The following PAPPA2 variants were observed in gnomAD, a reference collection of about 807,000 sequenced individuals.
PAPPA2 encodes pappalysin 2.
A neutral mutation model predicts 176.4 loss-of-function variants in PAPPA2; 86 were observed. The observed-to-expected ratio is 0.49, with a 90% CI of 0.41 to 0.58. The LOEUF (loss-of-function observed/expected upper bound fraction) is 0.58, where lower values mean the gene tolerates loss of function less well. PAPPA2 is among the 20% of genes least tolerant of loss of function. The pLI is 0.00. For synonymous variants in PAPPA2, 809 were observed against 852.2 expected (o/e 0.95, Z 0.88); for missense variants, 2,073 against 2,256.9 (o/e 0.92, Z 1.65).
At chr1:176,698,978 C>T in intron 7 of PAPPA2, 122 bp from the exon 8 acceptor site, 1 of 1,307,052 alleles carries the variant, frequency 7.7e-7, no homozygotes, top group Non-Finnish European at 1.0e-6. Flanking sequence ...GCTAAGATGA[C>T]CAACTTCTAC....
At chr1:176,765,550 T>C (rs1427284574) in intron 14 of PAPPA2, 116 bp from the exon 15 acceptor site, 2 of 967,898 alleles carry the variant, frequency 2.1e-6, no homozygotes, top group Admixed American at 2.3e-5. Flanking sequence ...AATATCAGTT[T>C]TGGAGAAAAT....
At chr1:176,656,922 T>C (rs943710541) in intron 3 of PAPPA2, among the ~76,000 whole-genome samples, 2 of 151,912 alleles carry the variant, frequency 1.3e-5, no homozygotes, top group Non-Finnish European at 2.9e-5. Flanking sequence ...GAAAATTCTT[T>C]ACACTTTGAC....
At chr1:176,581,835 G>T (rs1327964538) in intron 2 of PAPPA2, among the ~76,000 whole-genome samples, 2 of 150,684 alleles carry the variant, frequency 1.3e-5, no homozygotes, top group Admixed American at 1.3e-4. Flanking sequence ...GAATTTATCA[G>T]TTATAAGAGT....
At position 176,485,693 on chromosome 1, in the gene PAPPA2, T is replaced by C. The variant is rs373009271; in HGVS notation, c.-917+22275T>C. 3.3e-5 allele frequency among the ~76,000 whole-genome samples: 5 copies of C among 152,330 alleles called. No homozygotes were observed. The South Asian group carries it at 8.3e-4, about 25-fold the overall frequency. ...TTTTGTTTATTTTGCCACTGATGCA[T>C]TCTTAATGCCTGTCATATAGTAGGC... On this transcript the variant is annotated intron_variant, in intron 1 of 22. Transcript: ENST00000367662.
intron 14 of PAPPA2, among the ~76,000 whole-genome samples, chr1:176,749,694 T>C (rs764574702): frequency 3.3e-5 from 5 of 152,346 alleles, no homozygotes; most frequent in Non-Finnish European, 4.4e-5. Context: ...AATGTCATAT[T>C]CTGGAAATGT....
At chr1:176,759,889 A>G (rs1009046034) in intron 14 of PAPPA2, among the ~76,000 whole-genome samples, 8 of 152,194 alleles carry the variant, frequency 5.3e-5, no homozygotes, top group African/African-American at 1.9e-4. Context: ...ACCTGCCCCT[A>G]AGTCTGAACC....
intron 1 of PAPPA2, among the ~76,000 whole-genome samples, chr1:176,510,535 T>C (rs1405997708): frequency 3.9e-5 from 6 of 152,070 alleles, no homozygotes; most frequent in African/African-American, 1.4e-4. Flanking sequence ...TAAGACATTC[T>C]TGAGGAAGAA....
At chr1:176,819,034 C>T (rs1666525296) in intron 21 of PAPPA2, among the ~76,000 whole-genome samples, 1 of 152,234 alleles carries the variant, frequency 6.6e-6, no homozygotes, top group Non-Finnish European at 1.5e-5. Flanking sequence ...TTCCACGGGG[C>T]ATTAAGTTTT....
chr1:176,556,607 C>G lies in PAPPA2; in HGVS notation c.285C>G (p.Ser95Arg). The change falls in exon 2 of 23, where the codon AGC becomes AGG. Residue 95 changes from serine to arginine, a missense_variant. Coordinates refer to ENST00000367662, the MANE Select transcript of PAPPA2 (RefSeq NM_020318.3). ...AAGAAATCCATCATACAGGACGCAG[C>G]AAACCAGACACTGAAGGAAATGCTG... ...GEQEIHHTGR[S>R]KPDTEGNAVS... is the part of the protein sequence containing the mutation. The G allele has an allele frequency of 6.2e-7, 1 of 1,614,200 alleles. No homozygotes were observed. Among genetic ancestry groups the G allele is most frequent in the South Asian group, 1.1e-5 (1 of 91,088 alleles).
At chr1:176,468,796 G>A (rs1413954100) in intron 1 of PAPPA2, among the ~76,000 whole-genome samples, 1 of 152,160 alleles carries the variant, frequency 6.6e-6, no homozygotes, top group Non-Finnish European at 1.5e-5. Context: ...CCCTGACAGA[G>A]GAATGTTGAT....
intron 21 of PAPPA2, among the ~76,000 whole-genome samples, chr1:176,829,288 G>GA (rs1250884546): frequency 6.0e-5 from 9 of 148,966 alleles, no homozygotes; most frequent in Non-Finnish European, 1.0e-4. Context: ...GAGAGAATGG[G>GA]GAAAAAAAAA....
Position 176,690,161 on chromosome 1 carries a change from A to G in PAPPA2, c.2162A>G (p.Tyr721Cys). The G allele has an allele frequency of 1.2e-6, 2 of 1,613,062 alleles. No individual in the cohort carries two copies. The highest frequency in any genetic ancestry group is 1.7e-6 in the Non-Finnish European group (2 of 1,179,134). Reference sequence around the variant, plus strand: ...GGTGGCATTGTCCTCAGCCCAGCATATTATGGGATGCCTGGCCACACCGAC... The same window carrying G: ...GGTGGCATTGTCCTCAGCCCAGCATGTTATGGGATGCCTGGCCACACCGAC... ...HLGGIVLSPA[Y>C]YGMPGHTDTM... Residue 721 changes from tyrosine to cysteine, a missense_variant, in exon 5 of 23, where the codon TAT (tyrosine) becomes TGT (cysteine). Physicochemically the swap from Tyr to Cys is radical, Grantham distance 194. Around this residue, in one of 4 missense-constraint regions of PAPPA2, gnomAD observed 1,196 missense variants for 1,330.4 expected, o/e 0.90. Transcript: ENST00000367662.
chr1:176,750,012 T>G (rs377602461), intron 14 of PAPPA2, among the ~76,000 whole-genome samples: 12 of 152,318 alleles, frequency 7.9e-5, no homozygotes, highest in African/African-American at 2.9e-4. Flanking sequence ...GATTGCTGGA[T>G]CATATGGTTA....
intron 2 of PAPPA2, among the ~76,000 whole-genome samples, chr1:176,586,348 A>G (rs1653307378): frequency 6.6e-6 from 1 of 152,002 alleles, no homozygotes; most frequent in South Asian, 2.1e-4. Flanking sequence ...AAAAATAGGG[A>G]TACATGTGCA....
intron 1 of PAPPA2, among the ~76,000 whole-genome samples, chr1:176,479,956 T>C (rs1652312637): frequency 2.0e-5 from 3 of 152,244 alleles, no homozygotes; most frequent in African/African-American, 7.2e-5. Flanking sequence ...AGTTTTAGCC[T>C]GTAGAAGAGA....
At chr1:176,784,589 T>TA (rs1664850889) in intron 17 of PAPPA2, among the ~76,000 whole-genome samples, 2 of 129,564 alleles carry the variant, frequency 1.5e-5, no homozygotes, top group Admixed American at 7.4e-5. Flanking sequence ...CAGATGATTC[T>TA]CTTTTTTTTT....
chr1:176,544,433 C>G (rs1433455536), intron 1 of PAPPA2, among the ~76,000 whole-genome samples: 1 of 152,222 alleles, frequency 6.6e-6, no homozygotes, highest in African/African-American at 2.4e-5. Flanking sequence ...CAGCTCTGAT[C>G]TAGAATTCCA....
At chr1:176,676,225 G>C (rs1460997725) in intron 4 of PAPPA2, among the ~76,000 whole-genome samples, 1 of 151,904 alleles carries the variant, frequency 6.6e-6, no homozygotes, top group Non-Finnish European at 1.5e-5. Context: ...TTGGACTCCT[G>C]GTCATTAATC....
chr1:176,837,127 T>C (rs1255947044), intron 21 of PAPPA2, among the ~76,000 whole-genome samples: 1 of 152,172 alleles, frequency 6.6e-6, no homozygotes, highest in Non-Finnish European at 1.5e-5. Flanking sequence ...TCTTTCCTTT[T>C]CGTATTCCAC....
Sources: allele counts gnomAD v4.1 joint callset (sites outside exome capture counted in the v4.1 genomes callset), GRCh38; gene constraint gnomAD v4.1.1; regional missense constraint gnomAD v4.1.1; transcripts MANE v1.5; gene names NCBI Gene and HGNC (gene_info 2026-07-23, HGNC 2026-07-21).